Variants in AAR2 observed in about 807,000 individuals in gnomAD.
AAR2 encodes the protein AAR2 splicing factor.
In AAR2, 31 loss-of-function variants were observed where a neutral mutation model predicts 26.9. That is an observed-to-expected ratio of 1.15 (90% CI 0.86 to 1.55). The LOEUF (loss-of-function observed/expected upper bound fraction) is 1.55. Among genes scored for constraint, AAR2 ranks in the 40% most tolerant of loss-of-function variants. AAR2 has a pLI of 0.00. For missense variants in AAR2, 430 were observed against 491.3 expected (o/e 0.88, Z 1.18); for synonymous variants, 188 against 196.1 (o/e 0.96, Z 0.34).
rs575609647 is a variant in AAR2, at chr20:36,242,860, T to G, written c.758-1837T>G. 3.3e-5 allele frequency among the ~76,000 whole-genome samples: 5 copies of G among 149,494 alleles called. No homozygotes were observed. In the East Asian group the frequency reaches 7.8e-4, roughly 23 times the overall value. ...TACAGGAATAACTTTGTTGGTTTTTTTTTTTTTTTTTTTTTGAGACAAGGT... is the reference window on the plus strand; with the variant it reads ...TACAGGAATAACTTTGTTGGTTTTTGTTTTTTTTTTTTTTTGAGACAAGGT... On this transcript the variant is annotated intron_variant, in intron 2 of 3. Coordinates refer to ENST00000320849, the MANE Select transcript of AAR2 (RefSeq NM_001271874.2).
chr20:36,239,968 A>T lies in AAR2; in HGVS notation c.100A>T (p.Ile34Phe). ...LNMPKGTEFG[I>F]DYNSWEVGPK... ...CATGCCCAAGGGAACAGAGTTTGGG[A>T]TTGACTATAACTCCTGGGAGGTCGG... The change falls in exon 2 of 4, where the codon ATT becomes TTT. Residue 34 changes from isoleucine (I) to phenylalanine (F), a missense_variant. By Grantham distance (21) the Ile-to-Phe change is conservative. Transcript: ENST00000320849. 6.2e-7 allele frequency: 1 copy of T among 1,614,142 alleles called. No homozygotes were observed. The highest frequency in any genetic ancestry group is 1.1e-5 in the South Asian group (1 of 91,084).
At chr20:36,249,640 G>A (rs2064766082) in intron 3 of AAR2, among the ~76,000 whole-genome samples, 1 of 152,122 alleles carries the variant, frequency 6.6e-6, no homozygotes, top group Admixed American at 6.5e-5. Context: ...TACACCTCTT[G>A]CCATTAGCTA....
At chr20:36,242,536 G>A (rs577329388) in intron 2 of AAR2, among the ~76,000 whole-genome samples, 25 of 151,744 alleles carry the variant, frequency 1.6e-4, no homozygotes, top group Non-Finnish European at 2.5e-4. Context: ...GACTACAGGC[G>A]CCCGCCACCA....
At chr20:36,252,986 T>C (rs941740191) in intron 3 of AAR2, among the ~76,000 whole-genome samples, 1 of 152,164 alleles carries the variant, frequency 6.6e-6, no homozygotes, top group Non-Finnish European at 1.5e-5. Flanking sequence ...TAATTAGTTA[T>C]TGATCTGGTA....
intron 2 of AAR2, among the ~76,000 whole-genome samples, chr20:36,243,157 T>G (rs184358611): frequency 2.0e-5 from 3 of 152,320 alleles, no homozygotes; most frequent in African/African-American, 7.2e-5. Context: ...CCAGGGATAA[T>G]TTTGAATCTA....
intron 3 of AAR2, among the ~76,000 whole-genome samples, chr20:36,254,565 G>A (rs2064804656): frequency 6.6e-6 from 1 of 152,148 alleles, no homozygotes; most frequent in Admixed American, 6.5e-5. Context: ...TTTTGGCCGG[G>A]GATGATGGGG....
chr20:36,238,483 A>AT (rs2064641838), intron 1 of AAR2, among the ~76,000 whole-genome samples: 4 of 152,288 alleles, frequency 2.6e-5, no homozygotes, highest in Admixed American at 2.6e-4. Context: ...AGGGCCAGGC[A>AT]TGGTGGCTCA....
intron 2 of AAR2, among the ~76,000 whole-genome samples, chr20:36,242,854 GT>G (rs766390749): frequency 0.15 from 18,657 of 120,916 alleles, 713 homozygotes; most frequent in Non-Finnish European, 0.22. Flanking sequence ...AACTTTGTTG[GT>G]TTTTTTTTTT....
At position 36,255,749 on chromosome 20, in the gene AAR2, G is replaced by A. The variant is rs748891907; in HGVS notation, c.*4G>A. ...TGAGGGCATCGAGATGGGCTAACTCGGGGAGCGCTCTCAGCTGCGAGGGGC... is the reference window on the plus strand; with the variant it reads ...TGAGGGCATCGAGATGGGCTAACTCAGGGAGCGCTCTCAGCTGCGAGGGGC... On this transcript the variant is annotated 3_prime_UTR_variant, in exon 4 of 4. Transcript: ENST00000320849. 1.7e-5 allele frequency: 28 copies of A among 1,613,914 alleles called. 1 individual carries two copies. Among genetic ancestry groups the A allele is most frequent in the Middle Eastern group, 3.3e-4 (2 of 6,082 alleles).
chr20:36,240,624 T>G lies in AAR2; in HGVS notation c.756T>G (p.Leu252=). The G allele has an allele frequency of 6.2e-7, 1 of 1,607,610 alleles. No homozygotes were observed. Among genetic ancestry groups the G allele is most frequent in the Non-Finnish European group, 8.5e-7 (1 of 1,176,188 alleles). The change falls in exon 2 of 4, where the codon CTT becomes CTG. Residue 252 remains leucine (L), a splice_region_variant and synonymous_variant. Coordinates refer to ENST00000320849, the MANE Select transcript of AAR2 (RefSeq NM_001271874.2). The stretch of plus-strand genomic sequence containing the variant: ...TCCCCAGCAGCCCCCAGGATGTGCT[T>G]GGTGAGAAGGAACAAGGCTCTTTGG... The part of the protein sequence containing the change: ...KQFPSSPQDV[L]GELQFAFVCF...
At chr20:36,238,068 G>A (rs1239494731) in intron 1 of AAR2, among the ~76,000 whole-genome samples, 1 of 152,012 alleles carries the variant, frequency 6.6e-6, no homozygotes, top group Non-Finnish European at 1.5e-5. Flanking sequence ...ACAGGCGTGA[G>A]CCACCACGCC....
rs1189383344 is a variant in AAR2 at position 36,255,703 on chromosome 20, C to T, written c.1113C>T (p.Ala371=). 1.2e-6 allele frequency: 2 copies of T among 1,613,970 alleles called. No individual in the cohort carries two copies. Among genetic ancestry groups the T allele is most frequent in the Admixed American group, 1.7e-5 (1 of 59,994 alleles). Residue 371 remains alanine, a synonymous_variant, in exon 4 of 4, where the codon GCC becomes GCT. Transcript: ENST00000320849. ...WDFAAEPEDC[A]PVVVELPEGI... ...TTGCTGCGGAACCTGAGGACTGTGC[C>T]CCGGTGGTGGTGGAGCTCCCTGAGG...
intron 2 of AAR2, among the ~76,000 whole-genome samples, chr20:36,242,663 A>T (rs2425192): frequency 1.3e-5 from 2 of 152,004 alleles, no homozygotes; most frequent in Non-Finnish European, 2.9e-5. Context: ...AAAGTGCTGG[A>T]ATTACAGGCG....
chr20:36,243,398 C>A (rs1301735161), intron 2 of AAR2, among the ~76,000 whole-genome samples: 1 of 152,186 alleles, frequency 6.6e-6, no homozygotes, highest in Non-Finnish European at 1.5e-5. Flanking sequence ...TCACACAAAT[C>A]AAACTTAGTT....
At chr20:36,254,552 G>C (rs1375463937) in intron 3 of AAR2, among the ~76,000 whole-genome samples, 1 of 152,130 alleles carries the variant, frequency 6.6e-6, no homozygotes, top group Admixed American at 6.5e-5. Flanking sequence ...AATGGCTGCA[G>C]AGTTTTGGCC....
chr20:36,244,048 A>G (rs891958990), intron 2 of AAR2, among the ~76,000 whole-genome samples: 1 of 152,192 alleles, frequency 6.6e-6, no homozygotes, highest in Non-Finnish European at 1.5e-5. Context: ...CCCAATGGAG[A>G]ATCTGTTTTA....
At chr20:36,239,768 A>G (rs1601173297) in intron 1 of AAR2, 53 bp from the exon 2 acceptor site, 1 of 1,391,490 alleles carries the variant, frequency 7.2e-7, no homozygotes, top group Admixed American at 2.3e-5. Context: ...TGCTTAGCAA[A>G]TGAAGCATCT....
intron 3 of AAR2, among the ~76,000 whole-genome samples, chr20:36,251,247 G>C (rs1446866564): frequency 6.6e-6 from 1 of 151,894 alleles, no homozygotes; most frequent in Non-Finnish European, 1.5e-5. Context: ...TGTAGTCCTA[G>C]CTACTTGGGA....
chr20:36,240,207 C>T lies in AAR2; in HGVS notation c.339C>T (p.Ala113=). The T allele has an allele frequency of 6.2e-7, 1 of 1,614,224 alleles. No homozygotes were observed. Among genetic ancestry groups the T allele is most frequent in the Non-Finnish European group, 8.5e-7 (1 of 1,180,038 alleles). The change falls in exon 2 of 4, where the codon GCC becomes GCT. Residue 113 remains alanine, a synonymous_variant. Coordinates refer to ENST00000320849, the MANE Select transcript of AAR2 (RefSeq NM_001271874.2). ...APESEVEAMR[A]NLQELDQFLG... Reference sequence around the variant, plus strand: ...AGTCTGAGGTGGAGGCCATGAGGGCCAACCTCCAGGAGCTGGACCAGTTCC... The same window carrying T: ...AGTCTGAGGTGGAGGCCATGAGGGCTAACCTCCAGGAGCTGGACCAGTTCC...
Sources: gnomAD v4.1 joint callset for allele counts (sites outside exome capture counted in the v4.1 genomes callset) on GRCh38, gnomAD v4.1.1 for gene constraint, MANE v1.5 for transcripts, NCBI Gene and HGNC (gene_info 2026-07-23, HGNC 2026-07-21) for gene names.